The following NUP214 variants were observed in gnomAD, a reference collection of about 807,000 sequenced individuals.
NUP214 encodes the protein nuclear pore complex protein Nup214.
NUP214 carries 79 observed loss-of-function variants against 196.2 expected under a neutral mutation model. The ratio of observed to expected loss-of-function variants is 0.40; its 90% CI spans 0.34 to 0.49. NUP214 has a LOEUF of 0.49. NUP214 is among the 20% of genes least tolerant of loss of function. The pLI, the probability that NUP214 is intolerant of heterozygous loss-of-function variation, is 0.58. For missense variants in NUP214, 2,468 were observed against 2,539.0 expected (o/e 0.97, Z 0.60); for synonymous variants, 1,020 against 990.5 (o/e 1.03, Z -0.56).
chr9:131,162,869 C>T, intron 18 of NUP214, 122 bp from the exon 19 acceptor site: 1 of 860,360 alleles, frequency 1.2e-6, no homozygotes. Context: ...GGTTCTTGTC[C>T]AGTGCTGGTT....
intron 29 of NUP214, among the ~76,000 whole-genome samples, chr9:131,201,354 C>T (rs142923470): frequency 3.3e-5 from 5 of 151,438 alleles, no homozygotes; most frequent in East Asian, 1.9e-4. Context: ...TGCAGTAAGC[C>T]GAGATCGCGC....
In NUP214 at chr9:131,173,455, C is replaced by T. The variant is rs77341778; in HGVS notation, c.2894-600C>T. Among the ~76,000 whole-genome samples the T allele has an allele frequency of 8.0e-3, 1,116 of 140,132 alleles. 10 individuals are homozygous for T. The highest frequency in any genetic ancestry group is 0.028 in the African/African-American group (1,048 of 37,712). The allele number at this position is 140,132 out of a possible 152,430, so 91.9% of individuals were successfully genotyped here. On this transcript the variant is annotated intron_variant, in intron 21 of 35. Transcript: ENST00000359428. ...CTATGTTGCCTAAGCTGGTCTTGAA[C>T]TCCTGGCTTCAAGCAGTCCTCCTGC...
At position 131,146,120 on chromosome 9, in the gene NUP214, A is replaced by G; in HGVS notation, c.1770-9A>G. 6.2e-7 allele frequency: 1 copy of G among 1,613,956 alleles called. No homozygotes were observed. The highest frequency in any genetic ancestry group is 8.5e-7 in the Non-Finnish European group (1 of 1,179,876). On this transcript the variant is annotated splice_polypyrimidine_tract_variant and intron_variant, in intron 12 of 35. Coordinates refer to ENST00000359428, the MANE Select transcript of NUP214 (RefSeq NM_005085.4). This position sits in a 1 kb window ranked among gnomAD's most constrained non-coding sequence, Gnocchi z 4.6. ...GCTCTTCTGAGGCCTTCAGGCTGCC[A>G]TTTTTCAGGTTTACTGCTGCAGCTA... is the stretch of plus-strand genomic sequence containing the variant.
At chr9:131,224,942 G>A (rs1000761432) in intron 32 of NUP214, among the ~76,000 whole-genome samples, 1 of 152,172 alleles carries the variant, frequency 6.6e-6, no homozygotes, top group African/African-American at 2.4e-5. Context: ...TCCTATATAT[G>A]GTTCTTTATC....
At chr9:131,173,376 T>TTG (rs1833012599) in intron 21 of NUP214, among the ~76,000 whole-genome samples, 1 of 146,786 alleles carries the variant, frequency 6.8e-6, no homozygotes, top group Non-Finnish European at 1.5e-5. Context: ...TTTTTTTTTT[T>TTG]TTTGAGACAG....
chr9:131,138,207 C>T (rs1483597863), intron 9 of NUP214, among the ~76,000 whole-genome samples: 2 of 151,070 alleles, frequency 1.3e-5, no homozygotes, highest in East Asian at 1.9e-4. Context: ...CCTTTCCCTC[C>T]ACTCCCCTCT....
intron 30 of NUP214, among the ~76,000 whole-genome samples, chr9:131,210,362 G>T (rs1248788591): frequency 1.3e-5 from 2 of 152,208 alleles, no homozygotes; most frequent in African/African-American, 4.8e-5. Context: ...GGGCACAGTG[G>T]CTCACGCCTG....
chr9:131,174,454 T>C, intron 22 of NUP214, 136 bp downstream of exon 22: 9 of 373,184 alleles, frequency 2.4e-5, no homozygotes, highest in East Asian at 2.1e-4. Context: ...TTTCTTTTTT[T>C]CTTTTTTTTT....
At chr9:131,199,097 T>C in intron 29 of NUP214, 82 bp downstream of exon 29, 2 of 1,484,708 alleles carry the variant, frequency 1.3e-6, no homozygotes, top group Middle Eastern at 2.5e-4. Flanking sequence ...ACTTTTGTAA[T>C]TAAAGGGGAG....
rs774688708 is a variant in NUP214, at chr9:131,125,604, C to T, written c.-101C>T. On this transcript the variant is annotated 5_prime_UTR_variant, in exon 1 of 36. Coordinates refer to ENST00000359428, the MANE Select transcript of NUP214 (RefSeq NM_005085.4). The surrounding 1 kb of genome is among the most constrained non-coding windows in gnomAD (Gnocchi z 4.1). ...GAAATGCGAGGTCAACTGCGCGCCGCTGGCGCTGAGGGGAGGAAGTTTGCT... is the reference window on the plus strand; with the variant it reads ...GAAATGCGAGGTCAACTGCGCGCCGTTGGCGCTGAGGGGAGGAAGTTTGCT... 1.3e-6 allele frequency: 2 copies of T among 1,548,752 alleles called. No homozygotes were observed. The highest frequency in any genetic ancestry group is 1.2e-5 in the South Asian group (1 of 83,852).
At chr9:131,156,395 G>A (rs1290417373) in intron 17 of NUP214, among the ~76,000 whole-genome samples, 3 of 151,852 alleles carry the variant, frequency 2.0e-5, no homozygotes, top group African/African-American at 7.3e-5. Flanking sequence ...GCCTCCCAAA[G>A]TGCTGGGATT....
rs768503968 is a variant in NUP214, at chr9:131,146,130, T to C, written c.1771T>C (p.Phe591Leu). The change falls in exon 13 of 36, where the codon TTT becomes CTT. Residue 591 changes from phenylalanine to leucine, a missense_variant and splice_region_variant. By Grantham distance (22) the Phe-to-Leu change is conservative. This residue lies in a region of NUP214 where 1,801 missense variants were observed against 1,779.4 expected (regional missense o/e 1.01). Coordinates refer to ENST00000359428, the MANE Select transcript of NUP214 (RefSeq NM_005085.4). This position sits in a 1 kb window ranked among gnomAD's most constrained non-coding sequence, Gnocchi z 4.6. ...SAVKVNLSEK[F>L]TAAATSTPVS... ...GGCCTTCAGGCTGCCATTTTTCAGGTTTACTGCTGCAGCTACCTCTACTCC... is the reference window on the plus strand; with the variant it reads ...GGCCTTCAGGCTGCCATTTTTCAGGCTTACTGCTGCAGCTACCTCTACTCC... 4.0e-5 allele frequency: 64 copies of C among 1,613,940 alleles called. 1 individual carries two copies. Among genetic ancestry groups the C allele is most frequent in the Non-Finnish European group, 4.9e-5 (58 of 1,179,966 alleles).
At chr9:131,178,272 G>A (rs753292390) in intron 23 of NUP214, 39 bp from the exon 24 acceptor site, 112 of 1,505,442 alleles carry the variant, frequency 7.4e-5, no homozygotes, top group Non-Finnish European at 9.6e-5. Flanking sequence ...ATCCTTTGCT[G>A]GAATTAATAT....
intron 21 of NUP214, among the ~76,000 whole-genome samples, chr9:131,173,293 T>C (rs1207231006): frequency 6.6e-6 from 1 of 150,680 alleles, no homozygotes; most frequent in Non-Finnish European, 1.5e-5. Flanking sequence ...CCTGTCCTGG[T>C]GATCTGCCCG....
At chr9:131,140,429 C>T (rs1051141405) in intron 10 of NUP214, 120 bp from the exon 11 acceptor site, 1 of 766,196 alleles carries the variant, frequency 1.3e-6, no homozygotes, top group Non-Finnish European at 2.1e-6. Flanking sequence ...AACAAACTAA[C>T]TTGAGCTGCT....
Position 131,233,446 on chromosome 9 carries a change from C to T in NUP214, c.6240-8C>T. ...CTGACTCCACCACTGTCCTGTGCTT[C>T]CTTGCAGGTCTGTCCAGGGTTTTGG... On this transcript the variant is annotated splice_region_variant and splice_polypyrimidine_tract_variant and intron_variant, in intron 35 of 35. Transcript: ENST00000359428. The T allele has an allele frequency of 6.2e-7, 1 of 1,608,346 alleles. No individual in the cohort carries two copies. Among genetic ancestry groups the T allele is most frequent in the East Asian group, 2.2e-5 (1 of 44,774 alleles).
intron 23 of NUP214, among the ~76,000 whole-genome samples, chr9:131,176,031 A>G (rs975878313): frequency 1.3e-5 from 2 of 152,220 alleles, no homozygotes; most frequent in African/African-American, 4.8e-5. Context: ...TTGAATGGCT[A>G]TTTTGGCTGG....
At position 131,205,641 on chromosome 9, in the gene NUP214, T is replaced by A. The variant is rs146362170; in HGVS notation, c.5592+3924T>A. ...ATTGTGGTATATTCATACAGCCCAA[T>A]ACTACAGAGAAATAAAATGTACTGC... On this transcript the variant is annotated intron_variant, in intron 30 of 35. Coordinates refer to ENST00000359428, the MANE Select transcript of NUP214 (RefSeq NM_005085.4). Among the ~76,000 whole-genome samples, 375 of 152,348 alleles carry A rather than the reference T, an allele frequency of 2.5e-3. 4 individuals are homozygous for A. The highest frequency in any genetic ancestry group is 8.7e-3 in the African/African-American group (361 of 41,574).
At chr9:131,133,721 A>G (rs2133457300) in intron 7 of NUP214, 1 of 152,272 alleles carries the variant, frequency 6.6e-6, no homozygotes. Context: ...TTCTACTGTT[A>G]TGAGGTTAAA....
Sources: gnomAD v4.1 joint callset for allele counts (sites outside exome capture counted in the v4.1 genomes callset) on GRCh38, gnomAD v4.1.1 for gene constraint, gnomAD v4.1.1 regional missense constraint, Gnocchi (gnomAD v3.1) non-coding constraint, MANE v1.5 for transcripts, NCBI Gene and HGNC (gene_info 2026-07-23, HGNC 2026-07-21) for gene names.